The following PCGF5 variants were observed in gnomAD, a reference collection of about 807,000 sequenced individuals.
PCGF5 encodes polycomb group ring finger 5, also known as polycomb group RING finger protein 5.
Under a neutral mutation model 44.3 loss-of-function variants are expected in PCGF5, and 9 were observed. That is an observed-to-expected ratio of 0.20 (90% CI 0.12 to 0.35). The LOEUF (loss-of-function observed/expected upper bound fraction) is 0.35, where lower values mean the gene tolerates loss of function less well. Among genes scored for constraint, PCGF5 ranks in the 10% least tolerant of loss-of-function variants. The probability of loss-of-function intolerance (pLI) is 1.00; values close to 1 mark genes in which losing one functional copy is unlikely to be tolerated. For missense variants in PCGF5, 146 were observed against 305.3 expected (o/e 0.48, Z 3.89); for synonymous variants, 95 against 102.5 (o/e 0.93, Z 0.44).
chr10:91,228,642 T>A (rs1221789469), intron 2 of PCGF5, among the ~76,000 whole-genome samples: 1 of 152,212 alleles, frequency 6.6e-6, no homozygotes, highest in Non-Finnish European at 1.5e-5. Flanking sequence ...TGATAGAATT[T>A]AAGTATTACC....
chr10:91,220,606 G>A (rs553306429), upstream of PCGF5: 2 of 150,858 alleles, frequency 1.3e-5, no homozygotes, highest in Non-Finnish European at 3.0e-5. Context: ...GTTGGAAGTG[G>A]GTGGAGTTGC....
intron 6 of PCGF5, among the ~76,000 whole-genome samples, chr10:91,259,253 A>G (rs974801442): frequency 6.6e-6 from 1 of 152,144 alleles, no homozygotes; most frequent in South Asian, 2.1e-4. Flanking sequence ...ATCAGACACT[A>G]TTCTCCCCAA....
chr10:91,220,994 G>A (rs1243957587), intron 1 of PCGF5, among the ~76,000 whole-genome samples, 158 bp downstream of exon 1: 1 of 151,972 alleles, frequency 6.6e-6, no homozygotes, highest in Non-Finnish European at 1.5e-5. Context: ...CCCGGGCGGG[G>A]GCTTCGGAGC....
chr10:91,220,956 G>C (rs986796942), intron 1 of PCGF5, 120 bp downstream of exon 1: 1 of 152,234 alleles, frequency 6.6e-6, no homozygotes, highest in African/African-American at 2.4e-5. Flanking sequence ...GGAGCCGGGA[G>C]GGCCCTTCGG....
chr10:91,271,556 G>A lies in PCGF5; in HGVS notation c.664-82G>A, dbSNP rs958116705. The A allele has an allele frequency of 2.7e-5, 31 of 1,134,670 alleles. No individual in the cohort carries two copies. The Admixed American group carries it at 2.8e-4, about 10-fold the overall frequency. The allele number at this position is 1,134,670 out of a possible 1,614,324, so 70.3% of individuals were successfully genotyped here. On this transcript the variant is annotated intron_variant, in intron 8 of 9. Transcript: ENST00000336126. ...AATCATGTTGACTCTTGTGTTTGAC[G>A]TTAAACTATTTTAAATAATCAATTT... is the stretch of plus-strand genomic sequence containing the variant.
At chr10:91,192,041 A>G (rs1032551974) in intron 1 of PCGF5, among the ~76,000 whole-genome samples, 1 of 152,114 alleles carries the variant, frequency 6.6e-6, no homozygotes, top group Non-Finnish European at 1.5e-5. Flanking sequence ...TTTTATTTCT[A>G]ATGTGATTTT....
intron 7 of PCGF5, 28 bp downstream of exon 7, chr10:91,261,452 C>A: frequency 7.2e-7 from 1 of 1,395,864 alleles, no homozygotes; most frequent in South Asian, 1.9e-5. Flanking sequence ...TAAGCTTGAT[C>A]ATTTTGATAA....
rs1044888627 is a variant in PCGF5 at position 91,274,706 on chromosome 10, T to TTTGA, written c.723+3009_723+3010insTTGA. On this transcript the variant is annotated intron_variant, in intron 9 of 9. Transcript: ENST00000336126. ...CCAAGAGAAGCCCTCTTTGAGGTGG[T>TTTGA]GGATTGTTGATCAAAAGAAATTGAG... Among the ~76,000 whole-genome samples, 37 of 152,300 alleles carry TTTGA rather than the reference T, an allele frequency of 2.4e-4. 1 individual carries two copies. Among genetic ancestry groups the TTTGA allele is most frequent in the Admixed American group, 2.3e-3 (35 of 15,302 alleles).
chr10:91,205,124 TA>T (rs1844322069), intron 1 of PCGF5, among the ~76,000 whole-genome samples: 1 of 152,212 alleles, frequency 6.6e-6, no homozygotes, highest in Non-Finnish European at 1.5e-5. Flanking sequence ...ACAGTTATTT[TA>T]AATGCATAAA....
chr10:91,275,900 CA>C (rs1391116761), intron 9 of PCGF5, among the ~76,000 whole-genome samples: 10 of 151,788 alleles, frequency 6.6e-5, no homozygotes, highest in Non-Finnish European at 1.2e-4. Flanking sequence ...GTTATAATAG[CA>C]AAGGAAAAAA....
intron 9 of PCGF5, among the ~76,000 whole-genome samples, chr10:91,274,429 G>C (rs1846257620): frequency 6.6e-6 from 1 of 152,168 alleles, no homozygotes; most frequent in African/African-American, 2.4e-5. Flanking sequence ...ACAGACCCTA[G>C]TATGTATGAG....
chr10:91,209,319 A>G (rs1034704232), intron 1 of PCGF5, among the ~76,000 whole-genome samples: 2 of 152,208 alleles, frequency 1.3e-5, no homozygotes, highest in African/African-American at 4.8e-5. Flanking sequence ...CAGAAGTCAG[A>G]GGATGGGGCT....
At position 91,264,415 on chromosome 10, in the gene PCGF5, A is replaced by G; in HGVS notation, c.574-16A>G. On this transcript the variant is annotated splice_polypyrimidine_tract_variant and intron_variant, in intron 7 of 9. Coordinates refer to ENST00000336126, the MANE Select transcript of PCGF5 (RefSeq NM_032373.5). ...TCAACATTATGTTAATAGATCTATA[A>G]TGATTCTTTTTAAAGTTGGATGTGC... The G allele has an allele frequency of 6.4e-7, 1 of 1,572,932 alleles. No individual in the cohort carries two copies. The highest frequency in any genetic ancestry group is 8.6e-7 in the Non-Finnish European group (1 of 1,157,208).
At chr10:91,175,867 T>G (rs2133179080) in intron 1 of PCGF5, among the ~76,000 whole-genome samples, 1 of 152,330 alleles carries the variant, frequency 6.6e-6, no homozygotes, top group Non-Finnish European at 1.5e-5. Flanking sequence ...TTTATCCAGT[T>G]TGCCAGTCTG....
In PCGF5 at chr10:91,222,774, C is replaced by T; in HGVS notation, c.-98C>T. On this transcript the variant is annotated 5_prime_UTR_variant, in exon 2 of 10. Transcript: ENST00000336126. ...TGCTAGTTCTCATGCCTCAGGACATCCTACTGGGAACGACACACCAGCTCC... is the reference window on the plus strand; with the variant it reads ...TGCTAGTTCTCATGCCTCAGGACATTCTACTGGGAACGACACACCAGCTCC... 1 of 648,294 alleles carries T rather than the reference C, an allele frequency of 1.5e-6. No individual in the cohort carries two copies. The highest frequency in any genetic ancestry group is 2.8e-6 in the Non-Finnish European group (1 of 363,344). The allele number at this position is 648,294 out of a possible 1,614,324, so 40.2% of individuals were successfully genotyped here.
At chr10:91,204,516 C>T (rs2901436) in intron 1 of PCGF5, among the ~76,000 whole-genome samples, 141,028 of 152,272 alleles carry the variant, frequency 0.93, 65,386 homozygotes, top group African/African-American at 0.97. Flanking sequence ...GGCACATTTT[C>T]ACAAACAGCC....
intron 5 of PCGF5, among the ~76,000 whole-genome samples, chr10:91,248,998 T>C (rs904281152): frequency 1.3e-5 from 2 of 152,238 alleles, no homozygotes; most frequent in Non-Finnish European, 1.5e-5. Context: ...TAGGTGTTTA[T>C]AGTGGTAATT....
chr10:91,182,558 T>C (rs1843841527), intron 1 of PCGF5, among the ~76,000 whole-genome samples: 1 of 152,198 alleles, frequency 6.6e-6, no homozygotes, highest in Non-Finnish European at 1.5e-5. Flanking sequence ...AGTTCAGCTC[T>C]GATTTTTGTT....
chr10:91,255,734 C>G (rs1263946704), intron 6 of PCGF5, among the ~76,000 whole-genome samples: 1 of 151,888 alleles, frequency 6.6e-6, no homozygotes, highest in Non-Finnish European at 1.5e-5. Flanking sequence ...TGTCTAGTTT[C>G]AACAACAACA....
Sources: allele counts gnomAD v4.1 joint callset (sites outside exome capture counted in the v4.1 genomes callset), GRCh38; gene constraint gnomAD v4.1.1; transcripts MANE v1.5; gene names NCBI Gene and HGNC (gene_info 2026-07-23, HGNC 2026-07-21).